ARAP1: variants seen among roughly 807,000 people sequenced by gnomAD.
The protein encoded by ARAP1 is arf-GAP with Rho-GAP domain, ANK repeat and PH domain-containing protein 1.
ARAP1 carries 76 observed loss-of-function variants against 172.2 expected under a neutral mutation model. The ratio of observed to expected loss-of-function variants is 0.44; its 90% CI spans 0.37 to 0.53. ARAP1 has a LOEUF of 0.53. Ranked by LOEUF, ARAP1 falls within the 20% of genes least tolerant of loss-of-function variation. The pLI is 0.00. For synonymous variants in ARAP1, 804 were observed against 803.3 expected (o/e 1.00, Z -0.01); for missense variants, 1,686 against 1,977.5 (o/e 0.85, Z 2.80).
intron 4 of ARAP1, 60 bp downstream of exon 4, chr11:72,714,092 C>T (rs1224634613): frequency 1.4e-6 from 2 of 1,390,248 alleles, no homozygotes; most frequent in Non-Finnish European, 1.9e-6. Flanking sequence ...TTCCAGAGGC[C>T]TGATTCCAGG....
At chr11:72,707,450 T>A in intron 11 of ARAP1, 76 bp from the exon 12 acceptor site, 2 of 1,378,594 alleles carry the variant, frequency 1.5e-6, no homozygotes, top group South Asian at 1.4e-5. Context: ...ATGCACAGAA[T>A]GAAGTGGGGG....
rs1051875276 is a variant in ARAP1, at chr11:72,726,426, G to A, written c.509+194C>T. 3.3e-5 allele frequency among the ~76,000 whole-genome samples: 5 copies of A among 152,268 alleles called. No individual in the cohort carries two copies. The South Asian group carries it at 8.3e-4, about 25-fold the overall frequency. ...ACACGCCCAGCAGCCCAGGCACTGC[G>A]CTGAGTACCTGCACAGCTCTCCCCT... is the stretch of plus-strand genomic sequence containing the variant. On this transcript the variant is annotated intron_variant, in intron 3 of 34. Transcript: ENST00000393609. This position sits in a 1 kb window ranked among gnomAD's most constrained non-coding sequence, Gnocchi z 6.5.
rs147560317 is a variant in ARAP1 at position 72,732,855 on chromosome 11, T to C, written c.-127-258A>G. ...AAAATTATCCAGGTGTGGTAGTGTG[T>C]GCCTGTAGTCCCAGGAACTCAGGAG... On this transcript the variant is annotated intron_variant, in intron 1 of 34. Transcript: ENST00000393609. 8.1e-3 allele frequency among the ~76,000 whole-genome samples: 1,227 copies of C among 152,144 alleles called. 20 individuals carry two copies. The highest frequency in any genetic ancestry group is 0.028 in the African/African-American group (1,150 of 41,514).
intron 11 of ARAP1, 103 bp from the exon 12 acceptor site, chr11:72,707,477 G>C: frequency 8.8e-7 from 1 of 1,135,770 alleles, no homozygotes; most frequent in Non-Finnish European, 1.2e-6. Context: ...TGTTGGGAGC[G>C]CTTAGGCAAA....
At chr11:72,729,923 TAAA>T (rs11287535) in intron 2 of ARAP1, among the ~76,000 whole-genome samples, 27 of 134,630 alleles carry the variant, frequency 2.0e-4, no homozygotes, top group Admixed American at 3.7e-4. Flanking sequence ...AGACTGTCTC[TAAA>T]AAAAAAAAAA....
Position 72,741,236 on chromosome 11 carries a change from C to T in ARAP1, c.-127-8639G>A, listed in dbSNP as rs1338798054. On this transcript the variant is annotated intron_variant, in intron 1 of 34. Coordinates refer to ENST00000393609, the MANE Select transcript of ARAP1 (RefSeq NM_001040118.3). The surrounding 1 kb of genome is among the most constrained non-coding windows in gnomAD (Gnocchi z 4.5). ...TGGACTTCTGGGCCCTCACCGCTGC[C>T]TCCTGCCTCTGCCCCCTGCAACCAG... Among the ~76,000 whole-genome samples, 1 of 152,080 alleles carries T rather than the reference C, an allele frequency of 6.6e-6. No individual in the cohort carries two copies. The highest frequency in any genetic ancestry group is 2.4e-5 in the African/African-American group (1 of 41,420).
At chr11:72,727,621 GC>G (rs1857735123) in intron 2 of ARAP1, among the ~76,000 whole-genome samples, 1 of 152,206 alleles carries the variant, frequency 6.6e-6, no homozygotes, top group African/African-American at 2.4e-5. Flanking sequence ...GGCTTAGCGA[GC>G]ATTGAAGGAT....
At chr11:72,734,081 C>G (rs574553289) in intron 1 of ARAP1, among the ~76,000 whole-genome samples, 59 of 152,058 alleles carry the variant, frequency 3.9e-4, no homozygotes, top group Non-Finnish European at 5.9e-4. Flanking sequence ...CCACCTCAGC[C>G]CCCCCAGTTG....
intron 23 of ARAP1, 138 bp from the exon 24 acceptor site, chr11:72,696,003 G>C: frequency 8.9e-7 from 1 of 1,125,318 alleles, no homozygotes; most frequent in Non-Finnish European, 1.2e-6. Context: ...AGTTTTTCTG[G>C]CCATATCTTG....
In ARAP1 at chr11:72,704,300, C is replaced by A. The variant is rs374749495; in HGVS notation, c.1844G>T (p.Arg615Leu). 2 of 1,604,274 alleles carry A rather than the reference C, an allele frequency of 1.2e-6. No homozygotes were observed. Among genetic ancestry groups the A allele is most frequent in the Non-Finnish European group, 1.7e-6 (2 of 1,175,074 alleles). Reference protein sequence around the residue: ...FLQLGNGAGNRFWAANVPPSE... With the variant: ...FLQLGNGAGNLFWAANVPPSE... ...GGGGGGCACGTTGGCTGCCCAGAAG[C>A]GGTTCCCAGCGCCATTCCCCAGCTG... Residue 615 changes from arginine (R) to leucine (L), a missense_variant, in exon 14 of 35, where the codon CGC (arginine) becomes CTC (leucine). Arg to Leu is a moderately radical substitution (Grantham distance 102). Transcript: ENST00000393609.
chr11:72,685,709 AT>A (rs1565206404), intron 34 of ARAP1, 28 bp from the exon 35 acceptor site: 20 of 1,613,892 alleles, frequency 1.2e-5, no homozygotes, highest in Non-Finnish European at 1.7e-5. Flanking sequence ...ACCCACAGGT[AT>A]TTTGTGAAGG....
At chr11:72,722,476 G>T in intron 3 of ARAP1, 1 of 512,422 alleles carries the variant, frequency 2.0e-6, no homozygotes, top group Non-Finnish European at 2.5e-6. Flanking sequence ...CAGGGTGGAT[G>T]CCCAGGAAGT....
chr11:72,704,238 G>A lies in ARAP1; in HGVS notation c.1906C>T (p.Arg636Trp), dbSNP rs536371692. The change falls in exon 14 of 35, where the codon CGG becomes TGG. Residue 636 changes from arginine to tryptophan, a missense_variant. Transcript: ENST00000393609. ...ALQPSSSPST[R>W]RCHLEAKYRE... ...TACTTGGCCTCCAGGTGGCACCGCC[G>A]GGTGCTGGGGCTGCTGCTGGGCTGC... 5.6e-6 allele frequency: 9 copies of A among 1,613,628 alleles called. No individual in the cohort carries two copies. Among genetic ancestry groups the A allele is most frequent in the African/African-American group, 4.0e-5 (3 of 75,042 alleles).
intron 2 of ARAP1, among the ~76,000 whole-genome samples, chr11:72,729,317 C>T (rs1591234948): frequency 6.6e-6 from 1 of 152,146 alleles, no homozygotes; most frequent in Admixed American, 6.5e-5. Flanking sequence ...CATGGCTGGG[C>T]AAGGTGGCTC....
chr11:72,707,815 G>T (rs1192591075), intron 11 of ARAP1, among the ~76,000 whole-genome samples: 1 of 152,096 alleles, frequency 6.6e-6, no homozygotes, highest in Non-Finnish European at 1.5e-5. Flanking sequence ...GCATCAGGAA[G>T]AGGAAGTCAA....
chr11:72,728,941 A>T (rs1036226448), intron 2 of ARAP1, among the ~76,000 whole-genome samples: 1 of 152,248 alleles, frequency 6.6e-6, no homozygotes, highest in African/African-American at 2.4e-5. Context: ...GTGGAAAAAT[A>T]AGCAGGAAGA....
At chr11:72,723,969 T>G (rs1857610397) in intron 3 of ARAP1, among the ~76,000 whole-genome samples, 2 of 152,154 alleles carry the variant, frequency 1.3e-5, no homozygotes, top group Non-Finnish European at 2.9e-5. Context: ...AAACAGCACG[T>G]GCACACTCGC....
chr11:72,691,967 T>A (rs1855951682), intron 30 of ARAP1, among the ~76,000 whole-genome samples: 2 of 152,164 alleles, frequency 1.3e-5, no homozygotes, highest in Admixed American at 1.3e-4. Flanking sequence ...TTCGCACTCT[T>A]ACGAGAATCT....
At chr11:72,717,571 A>G (rs1394397239) in intron 3 of ARAP1, among the ~76,000 whole-genome samples, 3 of 152,162 alleles carry the variant, frequency 2.0e-5, no homozygotes, top group Non-Finnish European at 4.4e-5. Context: ...GGGTCTGTGC[A>G]TCTTGGGCAG....
Sources: allele counts gnomAD v4.1 joint callset (sites outside exome capture counted in the v4.1 genomes callset), GRCh38; gene constraint gnomAD v4.1.1; non-coding constraint Gnocchi (gnomAD v3.1); transcripts MANE v1.5; gene names NCBI Gene and HGNC (gene_info 2026-07-23, HGNC 2026-07-21).